The following CRPPA variants were observed in gnomAD, a reference collection of about 807,000 sequenced individuals.
CRPPA encodes the protein CDP-L-ribitol pyrophosphorylase A.
In CRPPA, 43 loss-of-function variants were observed where a neutral mutation model predicts 52.0. The ratio of observed to expected loss-of-function variants is 0.83; its 90% CI spans 0.65 to 1.07. The LOEUF (loss-of-function observed/expected upper bound fraction) is 1.07, where lower values mean the gene tolerates loss of function less well. CRPPA is among the 50% of genes least tolerant of loss of function. The pLI is 0.00. For synonymous variants in CRPPA, 250 were observed against 203.5 expected, an observed-to-expected ratio of 1.23 and a Z score of -1.94; for missense variants, 629 against 551.7, an observed-to-expected ratio of 1.14 and a Z score of -1.40.
At chr7:16,241,065 T>G (rs909428705) in intron 8 of CRPPA, among the ~76,000 whole-genome samples, 2 of 152,148 alleles carry the variant, frequency 1.3e-5, no homozygotes, top group Non-Finnish European at 2.9e-5. Flanking sequence ...TACACAGTAA[T>G]ACACTAGATT....
chr7:16,382,400 C>T (rs961794628), intron 2 of CRPPA, among the ~76,000 whole-genome samples: 1 of 152,198 alleles, frequency 6.6e-6, no homozygotes, highest in South Asian at 2.1e-4. Context: ...GGTAACCCAA[C>T]CTTTCTCTCT....
intron 8 of CRPPA, among the ~76,000 whole-genome samples, chr7:16,222,732 T>A (rs1338704799): frequency 3.3e-5 from 5 of 152,006 alleles, no homozygotes; most frequent in African/African-American, 7.3e-5. Flanking sequence ...CTAAGAGGGC[T>A]TTTATAGAGA....
At chr7:16,380,879 C>G (rs1787067098) in intron 2 of CRPPA, among the ~76,000 whole-genome samples, 1 of 151,998 alleles carries the variant, frequency 6.6e-6, no homozygotes, top group East Asian at 1.9e-4. Flanking sequence ...ATTCTTCTCT[C>G]TTTTCTTCTT....
chr7:16,286,985 A>T (rs1419296889), intron 5 of CRPPA, among the ~76,000 whole-genome samples: 3 of 152,192 alleles, frequency 2.0e-5, no homozygotes, highest in Non-Finnish European at 4.4e-5. Flanking sequence ...TATAGCCAAT[A>T]ATCATTTCAA....
chr7:16,144,565 GA>G (rs1457485044), intron 9 of CRPPA, among the ~76,000 whole-genome samples: 1 of 152,216 alleles, frequency 6.6e-6, no homozygotes, highest in Non-Finnish European at 1.5e-5. Context: ...AGGTACAATG[GA>G]ATGTAGAGGA....
chr7:16,295,930 T>G (rs1375546341), intron 5 of CRPPA, among the ~76,000 whole-genome samples: 5 of 152,134 alleles, frequency 3.3e-5, no homozygotes, highest in Non-Finnish European at 7.4e-5. Flanking sequence ...CGTAGAAAAT[T>G]GTTTTAAATT....
intron 8 of CRPPA, among the ~76,000 whole-genome samples, chr7:16,235,619 A>C (rs556111490): frequency 1.1e-4 from 16 of 152,214 alleles, no homozygotes; most frequent in Non-Finnish European, 1.8e-4. Context: ...ACAAAGCCTA[A>C]AATATTTACT....
chr7:16,355,974 A>G (rs1786284324), intron 3 of CRPPA, among the ~76,000 whole-genome samples: 1 of 152,184 alleles, frequency 6.6e-6, no homozygotes, highest in South Asian at 2.1e-4. Flanking sequence ...GATCGGTGAT[A>G]GTAGTGACAA....
chr7:16,218,352 G>T (rs1171459473), intron 8 of CRPPA, among the ~76,000 whole-genome samples: 1 of 132,090 alleles, frequency 7.6e-6, no homozygotes, highest in African/African-American at 2.9e-5. Flanking sequence ...AAAATGTAAA[G>T]ACCATCGAGA....
intron 6 of CRPPA, chr7:16,277,403 T>C (rs1009516500): frequency 1.4e-5 from 2 of 142,818 alleles, no homozygotes; most frequent in Non-Finnish European, 3.1e-5. Context: ...ACAGCTAAAA[T>C]CAACTTTTAC....
rs954308556 is a variant in CRPPA, at chr7:16,091,098, A to G, written c.*597T>C. ...ATAACATACAATTTAAAAACAGAAAAGAAGGAAATGACATCTGTTTTAGGG... is the reference window on the plus strand; with the variant it reads ...ATAACATACAATTTAAAAACAGAAAGGAAGGAAATGACATCTGTTTTAGGG... On this transcript the variant is annotated 3_prime_UTR_variant, in exon 10 of 10. Transcript: ENST00000407010. 3 of 152,238 alleles carry G rather than the reference A, an allele frequency of 2.0e-5. No individual in the cohort carries two copies. Among genetic ancestry groups the G allele is most frequent in the African/African-American group, 7.2e-5 (3 of 41,462 alleles). The allele number at this position is 152,238 out of a possible 1,614,324, so 9.4% of individuals were successfully genotyped here. A position where few individuals can be genotyped will look rare whatever the true frequency, so the allele number is the denominator to read the frequency against.
intron 1 of CRPPA, among the ~76,000 whole-genome samples, chr7:16,409,803 T>A (rs916327083): frequency 1.3e-5 from 2 of 152,180 alleles, no homozygotes; most frequent in African/African-American, 2.4e-5. Context: ...CAATAAGAAA[T>A]TTTTACCATT....
intron 8 of CRPPA, chr7:16,237,176 T>C (rs1385087226): frequency 1.3e-5 from 2 of 152,216 alleles, no homozygotes; most frequent in Non-Finnish European, 2.9e-5. Context: ...CAATTCTTAA[T>C]GCTTTAATCT....
In CRPPA at chr7:16,090,050, G is replaced by A. The variant is rs1202440828; in HGVS notation, c.*1645C>T. 6.6e-6 allele frequency: 1 copy of A among 152,664 alleles called. No individual in the cohort carries two copies. Among genetic ancestry groups the A allele is most frequent in the Non-Finnish European group, 1.5e-5 (1 of 68,474 alleles). 9.5% of individuals were successfully genotyped at this position (152,664 alleles called of 1,614,324 possible). A position where few individuals can be genotyped will look rare whatever the true frequency, so the allele number is the denominator to read the frequency against. ...TGTGGTTTTCGTCACACACACAGCC[G>A]ACATCTGAACAAAGGCACAGACATT... On this transcript the variant is annotated 3_prime_UTR_variant, in exon 10 of 10. Transcript: ENST00000407010.
intron 4 of CRPPA, among the ~76,000 whole-genome samples, chr7:16,304,933 A>G (rs908444387): frequency 3.8e-4 from 58 of 152,222 alleles, no homozygotes; most frequent in African/African-American, 1.3e-3. Context: ...TGTTTCAAGT[A>G]CATGGCCATG....
chr7:16,166,875 T>C (rs940069206), intron 9 of CRPPA, among the ~76,000 whole-genome samples: 4 of 151,470 alleles, frequency 2.6e-5, no homozygotes, highest in African/African-American at 9.7e-5. Flanking sequence ...AACAATACCA[T>C]CCTAAGCTTG....
intron 9 of CRPPA, among the ~76,000 whole-genome samples, chr7:16,204,624 A>G (rs1321911490): frequency 2.6e-5 from 4 of 152,148 alleles, no homozygotes; most frequent in African/African-American, 4.8e-5. Context: ...AAATTTATAC[A>G]ACAAAAAAAA....
At chr7:16,342,933 A>C (rs1785913751) in intron 3 of CRPPA, among the ~76,000 whole-genome samples, 1 of 150,932 alleles carries the variant, frequency 6.6e-6, no homozygotes, top group African/African-American at 2.4e-5. Flanking sequence ...CCACCTACTT[A>C]AGGGGCTGAG....
chr7:16,364,083 C>A (rs530530528), intron 3 of CRPPA, among the ~76,000 whole-genome samples: 19 of 152,236 alleles, frequency 1.2e-4, no homozygotes, highest in African/African-American at 4.6e-4. Flanking sequence ...ATCCCAAGAT[C>A]TTTTTCAGTT....
Sources: allele counts gnomAD v4.1 joint callset (sites outside exome capture counted in the v4.1 genomes callset), GRCh38; gene constraint gnomAD v4.1.1; transcripts MANE v1.5; gene names NCBI Gene and HGNC (gene_info 2026-07-23, HGNC 2026-07-21).